The following SPRED2 variants were observed in gnomAD, a reference collection of about 807,000 sequenced individuals.
SPRED2 encodes the protein sprouty-related, EVH1 domain-containing protein 2.
Under a neutral mutation model 43.0 loss-of-function variants are expected in SPRED2, and 47 were observed. That is an observed-to-expected ratio of 1.09 (90% CI 0.87 to 1.40). The LOEUF (loss-of-function observed/expected upper bound fraction) is 1.40, where lower values mean the gene tolerates loss of function less well. SPRED2 is among the 40% of genes most tolerant of loss of function. The pLI is 0.00. For missense variants in SPRED2, 561 were observed against 586.4 expected, an observed-to-expected ratio of 0.96 and a Z score of 0.45; for synonymous variants, 225 against 225.7, an observed-to-expected ratio of 1.00 and a Z score of 0.03.
At position 65,389,906 on chromosome 2, in the gene SPRED2, AG is replaced by A. The variant is rs1438008315; in HGVS notation, c.26+42055del. 2.0e-5 allele frequency among the ~76,000 whole-genome samples: 3 copies of A among 150,976 alleles called. No homozygotes were observed. In the South Asian group the frequency reaches 6.2e-4, roughly 31 times the overall value. ...ATGGAAAGTAAAGCAAGTTTGTTGA[AG>A]AAGTGTTTAAAACAGGTAAGCAAAA... On this transcript the variant is annotated intron_variant, in intron 1 of 5. Coordinates refer to ENST00000356388, the MANE Select transcript of SPRED2 (RefSeq NM_181784.3).
intron 1 of SPRED2, among the ~76,000 whole-genome samples, chr2:65,379,810 C>T (rs1211620930): frequency 2.6e-5 from 4 of 152,180 alleles, no homozygotes; most frequent in East Asian, 1.9e-4. Flanking sequence ...GAACATGGCA[C>T]CTCTCATTTC....
chr2:65,401,133 AT>A (rs879716281), intron 1 of SPRED2, among the ~76,000 whole-genome samples: 378 of 142,796 alleles, frequency 2.6e-3, no homozygotes, highest in South Asian at 2.9e-3. Context: ...ACGCCTGGCA[AT>A]TTTTTTTTTT....
downstream of SPRED2, among the ~76,000 whole-genome samples, chr2:65,307,348 AC>A (rs1176760474): frequency 6.6e-6 from 1 of 152,058 alleles, no homozygotes; most frequent in African/African-American, 2.4e-5. Context: ...GGCATGCGCC[AC>A]CACGCCTGGC....
intron 1 of SPRED2, among the ~76,000 whole-genome samples, chr2:65,388,215 A>T (rs192517107): frequency 4.6e-5 from 7 of 152,354 alleles, no homozygotes; most frequent in Admixed American, 3.9e-4. Flanking sequence ...TTATTTTAAT[A>T]AAGCGTGTAT....
At chr2:65,366,682 G>C in intron 1 of SPRED2, 1 of 1,540,460 alleles carries the variant, frequency 6.5e-7, no homozygotes, top group Non-Finnish European at 8.7e-7. Context: ...AAAATGGATC[G>C]TCTCTTGCTG....
chr2:65,414,395 G>A (rs895826332), intron 1 of SPRED2, among the ~76,000 whole-genome samples: 21 of 152,042 alleles, frequency 1.4e-4, no homozygotes, highest in African/African-American at 4.6e-4. Flanking sequence ...TGAGAACCAC[G>A]GAGTATCATC....
chr2:65,309,273 G>A (rs1195796553), downstream of SPRED2, among the ~76,000 whole-genome samples: 2 of 152,006 alleles, frequency 1.3e-5, no homozygotes, highest in Admixed American at 6.5e-5. Context: ...AGGCTGAGGT[G>A]GGAGGATCTC....
chr2:65,361,291 T>C (rs1558668724), intron 1 of SPRED2, among the ~76,000 whole-genome samples: 1 of 152,256 alleles, frequency 6.6e-6, no homozygotes, highest in Non-Finnish European at 1.5e-5. Flanking sequence ...CTTTGCTTTG[T>C]TCCTTGGGGT....
intron 1 of SPRED2, among the ~76,000 whole-genome samples, chr2:65,345,992 A>G (rs1293987307): frequency 6.6e-6 from 1 of 152,130 alleles, no homozygotes; most frequent in Non-Finnish European, 1.5e-5. Context: ...TCAAACATAT[A>G]TTTGCGTGTT....
rs915789673 is a variant in SPRED2, at chr2:65,311,734, G to A, written c.*1767C>T. The A allele has an allele frequency of 2.6e-5, 26 of 985,262 alleles. No homozygotes were observed. Among genetic ancestry groups the A allele is most frequent in the African/African-American group, 8.7e-5 (5 of 57,204 alleles). The allele number at this position is 985,262 out of a possible 1,614,324, so 61.0% of individuals were successfully genotyped here. On this transcript the variant is annotated 3_prime_UTR_variant, in exon 6 of 6. Transcript: ENST00000356388. ...ACCAGTTACTCCAATGAATGAAGAC[G>A]TCTACTAACTGACTCATAAGCACAC...
intron 4 of SPRED2, among the ~76,000 whole-genome samples, chr2:65,322,260 CTCTCTCTCTCTATATA>C (rs1403397559): frequency 2.6e-5 from 2 of 76,018 alleles, no homozygotes; most frequent in Non-Finnish European, 4.8e-5. Flanking sequence ...CTCTCTCTCT[CTCTCTCTCTCTATATA>C]TATATATATA....
intron 1 of SPRED2, among the ~76,000 whole-genome samples, chr2:65,376,506 T>C (rs1244052999): frequency 6.6e-6 from 1 of 152,180 alleles, no homozygotes; most frequent in Non-Finnish European, 1.5e-5. Context: ...TAAATCAAAA[T>C]ACAAAGGCGT....
At chr2:65,380,618 A>C (rs1211127454) in intron 1 of SPRED2, 1 of 152,222 alleles carries the variant, frequency 6.6e-6, no homozygotes, top group Non-Finnish European at 1.5e-5. Context: ...TACAAGATAA[A>C]TACTTACTAG....
chr2:65,347,716 A>T (rs1428247595), intron 1 of SPRED2, among the ~76,000 whole-genome samples: 1 of 152,116 alleles, frequency 6.6e-6, no homozygotes, highest in Non-Finnish European at 1.5e-5. Flanking sequence ...CTTCTGTGAG[A>T]TTCAGGCCAG....
At chr2:65,372,773 CA>C (rs1675157459) in intron 1 of SPRED2, among the ~76,000 whole-genome samples, 1 of 152,184 alleles carries the variant, frequency 6.6e-6, no homozygotes, top group African/African-American at 2.4e-5. Flanking sequence ...CCTTAAGGAG[CA>C]CTTGCACCAA....
downstream of SPRED2, among the ~76,000 whole-genome samples, chr2:65,307,277 C>A (rs147902022): frequency 0.012 from 1,842 of 152,254 alleles, 43 homozygotes; most frequent in African/African-American, 0.042. Context: ...CTCACTGCAG[C>A]CTTTGCCTCC....
chr2:65,420,153 T>C (rs1676387602), intron 1 of SPRED2, among the ~76,000 whole-genome samples: 1 of 137,264 alleles, frequency 7.3e-6, no homozygotes. Flanking sequence ...GCAGTTGCAG[T>C]GAGCCAAGAC....
chr2:65,329,753 CTGT>C (rs1558653789), intron 4 of SPRED2, among the ~76,000 whole-genome samples: 1 of 152,170 alleles, frequency 6.6e-6, no homozygotes, highest in Non-Finnish European at 1.5e-5. Flanking sequence ...AACCCGCCTG[CTGT>C]TGTTTGTCTC....
intron 1 of SPRED2, among the ~76,000 whole-genome samples, chr2:65,422,235 A>C (rs1185275647): frequency 6.6e-6 from 1 of 152,118 alleles, no homozygotes; most frequent in East Asian, 1.9e-4. Context: ...AATGCTGTGC[A>C]TGAAGAGTTC....
Sources: gnomAD v4.1 joint callset for allele counts (sites outside exome capture counted in the v4.1 genomes callset) on GRCh38, gnomAD v4.1.1 for gene constraint, MANE v1.5 for transcripts, NCBI Gene and HGNC (gene_info 2026-07-23, HGNC 2026-07-21) for gene names.